PDE3B: variants seen among roughly 807,000 people sequenced by gnomAD.
PDE3B encodes phosphodiesterase 3B.
A neutral mutation model predicts 116.8 loss-of-function variants in PDE3B; 66 were observed. The ratio of observed to expected loss-of-function variants is 0.56; its 90% CI spans 0.46 to 0.69. The LOEUF (loss-of-function observed/expected upper bound fraction) is 0.69. Among genes scored for constraint, PDE3B ranks in the 30% least tolerant of loss-of-function variants. The pLI, the probability that PDE3B is intolerant of heterozygous loss-of-function variation, is 0.00. For synonymous variants in PDE3B, 595 were observed against 533.6 expected (o/e 1.12, Z -1.59); for missense variants, 1,384 against 1,368.1 (o/e 1.01, Z -0.18).
chr11:14,812,024 G>A (rs1859150489), intron 5 of PDE3B, among the ~76,000 whole-genome samples: 1 of 152,126 alleles, frequency 6.6e-6, no homozygotes, highest in South Asian at 2.1e-4. Flanking sequence ...TTGCTTATCA[G>A]CTTAAGGAGA....
chr11:14,869,842 A>G lies in PDE3B; in HGVS notation c.*182A>G, dbSNP rs1848114239. 1.8e-6 allele frequency: 1 copy of G among 542,036 alleles called. No individual in the cohort carries two copies. The highest frequency in any genetic ancestry group is 3.5e-5 in the Admixed American group (1 of 28,872). The allele number at this position is 542,036 out of a possible 1,614,324, so 33.6% of individuals were successfully genotyped here. ...GTTTCCCACTCCTATGCACTTTCAC[A>G]GGAACTAGAAAACTATTCTTAAACC... On this transcript the variant is annotated 3_prime_UTR_variant, in exon 16 of 16. Coordinates refer to ENST00000282096, the MANE Select transcript of PDE3B (RefSeq NM_000922.4).
intron 12 of PDE3B, among the ~76,000 whole-genome samples, chr11:14,846,088 G>C (rs1013651352): frequency 3.0e-4 from 45 of 152,208 alleles, no homozygotes; most frequent in African/African-American, 8.9e-4. Context: ...GGCAGCCAGA[G>C]AGAAAGATTG....
intron 1 of PDE3B, among the ~76,000 whole-genome samples, chr11:14,736,376 C>G (rs1351627818): frequency 6.6e-6 from 1 of 152,176 alleles, no homozygotes; most frequent in African/African-American, 2.4e-5. Context: ...GGAAACAGCC[C>G]TGGTGCGTGG....
At chr11:14,723,504 A>G (rs1273350069) in intron 1 of PDE3B, among the ~76,000 whole-genome samples, 1 of 152,134 alleles carries the variant, frequency 6.6e-6, no homozygotes, top group Non-Finnish European at 1.5e-5. Flanking sequence ...CTGTAATTCT[A>G]GCAATTTTGG....
intron 1 of PDE3B, among the ~76,000 whole-genome samples, chr11:14,765,530 C>G (rs1857475607): frequency 2.0e-5 from 3 of 151,908 alleles, no homozygotes; most frequent in Middle Eastern, 3.4e-3. Context: ...ACACCTAGAT[C>G]AACTTAAAAA....
At chr11:14,751,431 A>G (rs920968343) in intron 1 of PDE3B, among the ~76,000 whole-genome samples, 1 of 152,230 alleles carries the variant, frequency 6.6e-6, no homozygotes, top group African/African-American at 2.4e-5. Context: ...TTGGCAAAAA[A>G]GGAAATTGTC....
the PDE3B span, chr11:14,890,992 C>T: frequency 1.0e-6 from 1 of 985,408 alleles, no homozygotes. Context: ...TTTCTCTCTC[C>T]CACTCATCTG....
At chr11:14,760,103 T>C (rs1187622656) in intron 1 of PDE3B, among the ~76,000 whole-genome samples, 1 of 152,172 alleles carries the variant, frequency 6.6e-6, no homozygotes, top group Admixed American at 6.5e-5. Flanking sequence ...AACCACAGTA[T>C]GATTCTGGCT....
At chr11:14,767,297 A>T (rs1461069777) in intron 1 of PDE3B, among the ~76,000 whole-genome samples, 1 of 151,552 alleles carries the variant, frequency 6.6e-6, no homozygotes, top group Non-Finnish European at 1.5e-5. Context: ...AGGGTAAATG[A>T]ATTACCAGTC....
chr11:14,878,047 A>C, the PDE3B span: 2 of 1,490,898 alleles, frequency 1.3e-6, no homozygotes, highest in African/African-American at 2.8e-5. Flanking sequence ...TCTAATACAC[A>C]CATTGATTTG....
chr11:14,883,422 A>G, the PDE3B span, among the ~76,000 whole-genome samples: 116 of 152,344 alleles, frequency 7.6e-4, no homozygotes, highest in Middle Eastern at 0.014. Flanking sequence ...TGAGAAAAAT[A>G]AGCAATGGGG....
the PDE3B span, chr11:14,885,687 T>G: frequency 7.3e-7 from 1 of 1,372,062 alleles, no homozygotes; most frequent in Non-Finnish European, 1.0e-6. Context: ...CAGTATAAAA[T>G]AATCCCAACT....
the PDE3B span, among the ~76,000 whole-genome samples, chr11:14,884,896 G>C: frequency 6.6e-6 from 1 of 151,838 alleles, no homozygotes; most frequent in African/African-American, 2.4e-5. Flanking sequence ...AATTGTGGCT[G>C]CTTCTTTGGT....
intron 1 of PDE3B, among the ~76,000 whole-genome samples, chr11:14,754,026 A>G (rs934187620): frequency 6.6e-6 from 1 of 151,896 alleles, no homozygotes; most frequent in Non-Finnish European, 1.5e-5. Flanking sequence ...AATAACATAC[A>G]ACATTTTTTA....
the PDE3B span, chr11:14,879,196 G>A: frequency 6.2e-7 from 1 of 1,613,218 alleles, no homozygotes; most frequent in Non-Finnish European, 8.5e-7. Context: ...ACACTTCTGG[G>A]TCTCTCCAGT....
At position 14,735,728 on chromosome 11, in the gene PDE3B, T is replaced by G. The variant is rs189736263; in HGVS notation, c.979-36209T>G. Among the ~76,000 whole-genome samples, 61 of 152,294 alleles carry G rather than the reference T, an allele frequency of 4.0e-4. No homozygotes were observed. In the East Asian group the frequency reaches 0.012, roughly 29 times the overall value. ...GTGGCTCCATATTAGAGTGTTTTCA[T>G]CATCGAAAAAAGTTTAACTGGCCAT... On this transcript the variant is annotated intron_variant, in intron 1 of 15. Transcript: ENST00000282096.
chr11:14,844,076 T>A, intron 12 of PDE3B, 50 bp downstream of exon 12: 2 of 1,348,402 alleles, frequency 1.5e-6, no homozygotes, highest in Non-Finnish European at 2.1e-6. Context: ...AAATTTTCAG[T>A]CATGCTGTGT....
At chr11:14,826,559 T>C (rs933850220) in intron 7 of PDE3B, among the ~76,000 whole-genome samples, 18 of 152,060 alleles carry the variant, frequency 1.2e-4, no homozygotes, top group African/African-American at 4.3e-4. Context: ...CTCCCAAGAC[T>C]GAACCAGGAA....
At chr11:14,747,662 CA>C (rs1269157840) in intron 1 of PDE3B, among the ~76,000 whole-genome samples, 2 of 151,964 alleles carry the variant, frequency 1.3e-5, no homozygotes, top group Non-Finnish European at 1.5e-5. Flanking sequence ...ATCAAGCAAC[CA>C]AAATGTAGTG....
Sources: allele counts gnomAD v4.1 joint callset (sites outside exome capture counted in the v4.1 genomes callset), GRCh38; gene constraint gnomAD v4.1.1; transcripts MANE v1.5; gene names NCBI Gene and HGNC (gene_info 2026-07-23, HGNC 2026-07-21).